ATP11C: variants seen among roughly 807,000 people sequenced by gnomAD.
The protein encoded by ATP11C is phospholipid-transporting ATPase IG.
ATP11C carries 36 observed loss-of-function variants against 97.4 expected under a neutral mutation model. The observed-to-expected ratio is 0.37, with a 90% CI of 0.28 to 0.49. The LOEUF is 0.49. Ranked by LOEUF, ATP11C falls within the 20% of genes least tolerant of loss-of-function variation. ATP11C has a pLI of 0.98. For missense variants in ATP11C, 730 were observed against 824.6 expected, an observed-to-expected ratio of 0.89 and a Z score of 1.40; for synonymous variants, 275 against 290.9, an observed-to-expected ratio of 0.95 and a Z score of 0.56.
chrX:139,850,674 G>T (rs1428015368), intron 1 of ATP11C, among the ~76,000 whole-genome samples: 2 of 111,309 alleles, frequency 1.8e-5, no homozygotes, highest in Non-Finnish European at 3.8e-5. Flanking sequence ...CAGCATTTTG[G>T]GAGGCCGAGG....
At chrX:139,876,416 T>C (rs993582636) in intron 1 of ATP11C, among the ~76,000 whole-genome samples, 1 of 111,956 alleles carries the variant, frequency 8.9e-6, no homozygotes, top group African/African-American at 3.2e-5. Context: ...GCGGCTGAAA[T>C]CCCAATACAA....
intron 1 of ATP11C, among the ~76,000 whole-genome samples, chrX:139,874,209 A>ATTTTTTTTTTTT (rs140962708): frequency 4.9e-5 from 4 of 82,016 alleles, no homozygotes; most frequent in African/African-American, 1.1e-4. Context: ...TGCCTGGCTA[A>ATTTTTTTTTTTT]TTTTTTTTTT....
intron 23 of ATP11C, among the ~76,000 whole-genome samples, chrX:139,753,511 A>T (rs1055799486): frequency 5.4e-5 from 6 of 112,080 alleles, no homozygotes; most frequent in Non-Finnish European, 1.1e-4. Context: ...CACCCGCATC[A>T]AAAAGTTAAA....
intron 20 of ATP11C, among the ~76,000 whole-genome samples, chrX:139,763,987 T>C (rs1214483467): frequency 8.9e-6 from 1 of 112,286 alleles, no homozygotes; most frequent in East Asian, 2.8e-4. Flanking sequence ...CATCATGTGT[T>C]CTTTCAGATC....
At chrX:139,898,968 A>G (rs765979384) in intron 1 of ATP11C, among the ~76,000 whole-genome samples, 43 of 111,788 alleles carry the variant, frequency 3.8e-4, no homozygotes, top group Non-Finnish European at 5.3e-4. Context: ...TGCTGTTAAC[A>G]TTTACCTTTG....
intron 1 of ATP11C, among the ~76,000 whole-genome samples, chrX:139,902,863 AC>A (rs2084919152): frequency 8.9e-6 from 1 of 112,032 alleles, no homozygotes; most frequent in Admixed American, 9.5e-5. Flanking sequence ...TAGTGTACCA[AC>A]GGAGAGAAGG....
At chrX:139,853,273 G>GAGAGAGAGAGAC (rs1488476039) in intron 1 of ATP11C, among the ~76,000 whole-genome samples, 1 of 109,491 alleles carries the variant, frequency 9.1e-6, no homozygotes. Flanking sequence ...AAGACCAGCA[G>GAGAGAGAGAGAC]AGAGAGAGAG....
intron 1 of ATP11C, among the ~76,000 whole-genome samples, chrX:139,844,053 C>T (rs1189835568): frequency 5.4e-5 from 6 of 111,333 alleles, no homozygotes; most frequent in African/African-American, 1.6e-4. Context: ...AACTAAAAAA[C>T]ATATATACAG....
chrX:139,891,197 CAAAAAAAAAA>C (rs35280856), intron 1 of ATP11C, among the ~76,000 whole-genome samples: 54 of 35,496 alleles, frequency 1.5e-3, no homozygotes, highest in Non-Finnish European at 2.2e-3. Context: ...AGAGATTGGC[CAAAAAAAAAA>C]AAAAAAAAAA....
intron 1 of ATP11C, among the ~76,000 whole-genome samples, chrX:139,929,018 G>A (rs1217044789): frequency 8.9e-6 from 1 of 112,374 alleles, no homozygotes; most frequent in Non-Finnish European, 1.9e-5. Context: ...ACTAGGAATT[G>A]CATTAAGAAT....
intron 2 of ATP11C, among the ~76,000 whole-genome samples, chrX:139,825,213 C>T (rs1352588549): frequency 9.0e-6 from 1 of 111,461 alleles, no homozygotes; most frequent in Non-Finnish European, 1.9e-5. Flanking sequence ...GAGGAAGGAA[C>T]CCAAACAGCA....
chrX:139,736,556 G>T (rs948639299), intron 28 of ATP11C, among the ~76,000 whole-genome samples: 1 of 111,550 alleles, frequency 9.0e-6, no homozygotes, highest in Non-Finnish European at 1.9e-5. Flanking sequence ...CATGCAAATT[G>T]CCACTTGAGA....
chrX:139,931,989 G>A, intron 1 of ATP11C, 27 bp downstream of exon 1: 2 of 1,155,622 alleles, frequency 1.7e-6, no homozygotes, highest in Non-Finnish European at 2.3e-6. Flanking sequence ...AAACCGGCAC[G>A]CGCGGAGCCG....
chrX:139,785,276 T>C lies in ATP11C; in HGVS notation c.1616A>G (p.Asn539Ser). Residue 539 changes from asparagine (N) to serine (S), a missense_variant, in exon 16 of 30, where the codon AAC becomes AGC. Coordinates refer to ENST00000682941, the MANE Select transcript of ATP11C (RefSeq NM_001353812.2). ...IEEYELLHTL[N>S]FDAVRRRMSV... Reference sequence around the variant, plus strand: ...CATACGTCGCCGGACAGCATCAAAGTTTAAGGTGTGAAGAAGTTCATATCT... The same window carrying C: ...CATACGTCGCCGGACAGCATCAAAGCTTAAGGTGTGAAGAAGTTCATATCT... 1 of 1,207,300 alleles carries C rather than the reference T, an allele frequency of 8.3e-7. No individual in the cohort carries two copies. Among genetic ancestry groups the C allele is most frequent in the Non-Finnish European group, 1.1e-6 (1 of 892,439 alleles).
intron 5 of ATP11C, among the ~76,000 whole-genome samples, chrX:139,809,479 G>A (rs1473994576): frequency 8.9e-6 from 1 of 111,895 alleles, no homozygotes; most frequent in Non-Finnish European, 1.9e-5. Flanking sequence ...AATTCATAGA[G>A]ACAAAAAGTA....
chrX:139,865,820 A>C (rs2084273352), intron 1 of ATP11C, among the ~76,000 whole-genome samples: 1 of 111,875 alleles, frequency 8.9e-6, no homozygotes, highest in African/African-American at 3.3e-5. Flanking sequence ...AAATCTGCTT[A>C]AATTCCATTT....
intron 1 of ATP11C, among the ~76,000 whole-genome samples, chrX:139,868,935 T>C (rs770131375): frequency 2.7e-5 from 3 of 111,447 alleles, no homozygotes; most frequent in Admixed American, 9.6e-5. Context: ...TCAGACCTGA[T>C]AGAATGGATA....
Position 139,932,142 on chromosome X carries a change from G to C in ATP11C, c.-100C>G. 1.2e-6 allele frequency: 1 copy of C among 822,585 alleles called. No individual in the cohort carries two copies. The highest frequency in any genetic ancestry group is 1.5e-6 in the Non-Finnish European group (1 of 651,063). 67.8% of individuals were successfully genotyped at this position (822,585 alleles called of 1,213,427 possible). On this transcript the variant is annotated 5_prime_UTR_variant, in exon 1 of 30. Coordinates refer to ENST00000682941, the MANE Select transcript of ATP11C (RefSeq NM_001353812.2). ...GCGGCGTGGGCCGGCGGCGCCAAGC[G>C]GAGCAGCGAGGCGGGCGGCCGGGCC...
At chrX:139,927,577 C>A (rs1480182558) in intron 1 of ATP11C, among the ~76,000 whole-genome samples, 1 of 110,502 alleles carries the variant, frequency 9.0e-6, no homozygotes, top group African/African-American at 3.3e-5. Context: ...GCACTCCAGC[C>A]TGGATGACAA....
Sources: allele counts gnomAD v4.1 joint callset (sites outside exome capture counted in the v4.1 genomes callset), GRCh38; gene constraint gnomAD v4.1.1; transcripts MANE v1.5; gene names NCBI Gene and HGNC (gene_info 2026-07-23, HGNC 2026-07-21).